The following FHIT variants were observed in gnomAD, a reference collection of about 807,000 sequenced individuals.
FHIT encodes fragile histidine triad diadenosine triphosphatase, also known as bis(5'-adenosyl)-triphosphatase.
FHIT carries 19 observed loss-of-function variants against 17.9 expected under a neutral mutation model. The observed-to-expected ratio is 1.06, with a 90% CI of 0.74 to 1.56. The LOEUF (loss-of-function observed/expected upper bound fraction) is 1.56. Ranked by LOEUF, FHIT falls within the 40% of genes most tolerant of loss-of-function variation. FHIT has a pLI of 0.00. For missense variants in FHIT, 248 were observed against 189.2 expected, an observed-to-expected ratio of 1.31 and a Z score of -1.82; for synonymous variants, 81 against 69.7, an observed-to-expected ratio of 1.16 and a Z score of -0.81.
chr3:61,198,538 G>C (rs530477741), intron 2 of FHIT, among the ~76,000 whole-genome samples: 1 of 151,816 alleles, frequency 6.6e-6, no homozygotes, highest in Admixed American at 6.6e-5. Context: ...AATTGGTGGG[G>C]GGGTTCCCTC....
intron 4 of FHIT, among the ~76,000 whole-genome samples, chr3:60,608,800 A>G (rs2038690603): frequency 6.6e-6 from 1 of 152,180 alleles, no homozygotes; most frequent in African/African-American, 2.4e-5. Flanking sequence ...ATGTAAAGAG[A>G]GAGACCTAGT....
chr3:59,786,358 C>T (rs1375851290), intron 8 of FHIT, among the ~76,000 whole-genome samples: 1 of 152,186 alleles, frequency 6.6e-6, no homozygotes, highest in Non-Finnish European at 1.5e-5. Context: ...GCTTGTCCCT[C>T]CTCTTTCTTT....
chr3:61,083,018 T>G (rs1052829136), intron 2 of FHIT, among the ~76,000 whole-genome samples: 1 of 152,078 alleles, frequency 6.6e-6, no homozygotes, highest in African/African-American at 2.4e-5. Context: ...TGAATACTAG[T>G]CCTTTGCCAG....
At chr3:60,054,845 T>C (rs1166481717) in intron 5 of FHIT, among the ~76,000 whole-genome samples, 4 of 152,166 alleles carry the variant, frequency 2.6e-5, no homozygotes, top group Admixed American at 2.6e-4. Flanking sequence ...ATCCTTAGCC[T>C]CCGCAATAAT....
At chr3:59,811,563 G>A (rs1478153786) in intron 8 of FHIT, among the ~76,000 whole-genome samples, 2 of 152,018 alleles carry the variant, frequency 1.3e-5, no homozygotes, top group Admixed American at 1.3e-4. Context: ...ACTAATCTCA[G>A]AAAATTTATT....
At chr3:60,474,489 C>G (rs2033246061) in intron 5 of FHIT, among the ~76,000 whole-genome samples, 1 of 152,052 alleles carries the variant, frequency 6.6e-6, no homozygotes, top group Non-Finnish European at 1.5e-5. Flanking sequence ...TCTAGAAATT[C>G]TACAATATTC....
intron 1 of FHIT, among the ~76,000 whole-genome samples, chr3:61,213,223 G>A (rs2039548669): frequency 6.6e-6 from 1 of 152,158 alleles, no homozygotes; most frequent in Admixed American, 6.6e-5. Flanking sequence ...ATTGGATAAA[G>A]AGTCAAGACC....
At chr3:60,399,575 C>T (rs1701582522) in intron 5 of FHIT, among the ~76,000 whole-genome samples, 1 of 152,146 alleles carries the variant, frequency 6.6e-6, no homozygotes, top group Non-Finnish European at 1.5e-5. Flanking sequence ...TTAACAATCA[C>T]ATACACAATG....
At chr3:59,981,240 CA>C (rs901768400) in intron 7 of FHIT, among the ~76,000 whole-genome samples, 1 of 152,114 alleles carries the variant, frequency 6.6e-6, no homozygotes, top group African/African-American at 2.4e-5. Flanking sequence ...AATCCAGACA[CA>C]TTTTTTTTAA....
chr3:60,322,866 C>G (rs1383982491), intron 5 of FHIT, among the ~76,000 whole-genome samples: 1 of 152,052 alleles, frequency 6.6e-6, no homozygotes, highest in Non-Finnish European at 1.5e-5. Flanking sequence ...GAAATGATAT[C>G]CCAAATTTGA....
chr3:60,154,486 C>G (rs1487394397), intron 5 of FHIT, among the ~76,000 whole-genome samples: 1 of 152,140 alleles, frequency 6.6e-6, no homozygotes, highest in Non-Finnish European at 1.5e-5. Flanking sequence ...CTCTTTATAT[C>G]CCATCAAGGA....
chr3:60,932,776 G>C (rs1469162411), intron 3 of FHIT, among the ~76,000 whole-genome samples: 3 of 152,056 alleles, frequency 2.0e-5, no homozygotes, highest in Non-Finnish European at 4.4e-5. Context: ...CAACCTCTCA[G>C]TTTTGGTGTC....
At position 60,860,187 on chromosome 3, in the gene FHIT, G is replaced by A. The variant is rs1198082198; in HGVS notation, c.-110-38176C>T. ...CATCATATGTATATATGGTATACAT[G>A]AGATACATCATATGTATATATGGTA... On this transcript the variant is annotated intron_variant, in intron 3 of 9. Coordinates refer to ENST00000492590, the MANE Select transcript of FHIT (RefSeq NM_002012.4). 8.6e-4 allele frequency among the ~76,000 whole-genome samples: 78 copies of A among 91,168 alleles called. 2 individuals carry two copies. Among genetic ancestry groups the A allele is most frequent in the African/African-American group, 2.2e-3 (42 of 19,078 alleles). 59.8% of individuals were successfully genotyped at this position (91,168 alleles called of 152,430 possible). A position where few individuals can be genotyped will look rare whatever the true frequency, so the allele number is the denominator to read the frequency against.
At chr3:60,444,857 TA>T (rs1285685610) in intron 5 of FHIT, among the ~76,000 whole-genome samples, 2 of 151,386 alleles carry the variant, frequency 1.3e-5, no homozygotes, top group Admixed American at 6.6e-5. Context: ...AAAAAAATTT[TA>T]AAAAAAAAGA....
Position 61,124,789 on chromosome 3 carries a change from G to A in FHIT, c.-164+75828C>T, listed in dbSNP as rs79767284. The stretch of plus-strand genomic sequence containing the variant: ...TCTAACTGAATGAAATGTTAACTTC[G>A]ATCATCCATCTGTGCAGTTACTCTT... On this transcript the variant is annotated intron_variant, in intron 2 of 9. Transcript: ENST00000492590. 2.8e-4 allele frequency among the ~76,000 whole-genome samples: 42 copies of A among 152,116 alleles called. No individual in the cohort carries two copies. In the East Asian group the frequency reaches 6.2e-3, roughly 22 times the overall value.
At chr3:60,367,229 T>C (rs1700142483) in intron 5 of FHIT, among the ~76,000 whole-genome samples, 1 of 152,196 alleles carries the variant, frequency 6.6e-6, no homozygotes, top group Admixed American at 6.5e-5. Flanking sequence ...AGTCAGGTAA[T>C]AATGCTGCCT....
At chr3:60,017,245 C>G (rs531683282) in intron 5 of FHIT, among the ~76,000 whole-genome samples, 2 of 152,180 alleles carry the variant, frequency 1.3e-5, no homozygotes, top group African/African-American at 4.8e-5. Context: ...AACACCTAAC[C>G]TTGGAAAAAG....
chr3:60,035,864 G>A (rs553682163), intron 5 of FHIT, among the ~76,000 whole-genome samples: 2 of 152,274 alleles, frequency 1.3e-5, no homozygotes, highest in East Asian at 1.9e-4. Context: ...GGTTAAGCTA[G>A]GTGTTGCTAT....
chr3:60,140,815 T>C (rs1384470471), intron 5 of FHIT, among the ~76,000 whole-genome samples: 4 of 152,100 alleles, frequency 2.6e-5, no homozygotes, highest in Non-Finnish European at 5.9e-5. Context: ...CAACCTCAGA[T>C]GATCCACCTG....
Sources: allele counts gnomAD v4.1 joint callset (sites outside exome capture counted in the v4.1 genomes callset), GRCh38; gene constraint gnomAD v4.1.1; transcripts MANE v1.5; gene names NCBI Gene and HGNC (gene_info 2026-07-23, HGNC 2026-07-21).